The following HIF1A variants were observed in gnomAD, a reference collection of about 807,000 sequenced individuals.
HIF1A encodes hypoxia inducible factor 1 subunit alpha, also known as hypoxia-inducible factor 1-alpha.
A neutral mutation model predicts 92.7 loss-of-function variants in HIF1A; 24 were observed. The ratio of observed to expected loss-of-function variants is 0.26; its 90% CI spans 0.19 to 0.36. HIF1A has a LOEUF of 0.36. Among genes scored for constraint, HIF1A ranks in the 10% least tolerant of loss-of-function variants. The pLI, the probability that HIF1A is intolerant of heterozygous loss-of-function variation, is 1.00. For synonymous variants in HIF1A, 319 were observed against 338.7 expected, an observed-to-expected ratio of 0.94 and a Z score of 0.64; for missense variants, 799 against 998.5, an observed-to-expected ratio of 0.80 and a Z score of 2.69.
chr14:61,738,482 G>A, intron 10 of HIF1A, 109 bp downstream of exon 10: 1 of 1,034,366 alleles, frequency 9.7e-7, no homozygotes, highest in Non-Finnish European at 1.4e-6. Context: ...TTACATTTGT[G>A]TGTGTGTTTG....
rs769273992 is a variant in HIF1A at position 61,745,770 on chromosome 14, G to A, written c.2282G>A (p.Ser761Asn). The A allele has an allele frequency of 6.2e-7, 1 of 1,612,692 alleles. No individual in the cohort carries two copies. Among genetic ancestry groups the A allele is most frequent in the Non-Finnish European group, 8.5e-7 (1 of 1,178,714 alleles). The stretch of plus-strand genomic sequence containing the variant: ...AAACGTGTAAAAGGATGCAAATCTA[G>A]TGAACAGAATGGAATGGAGCAAAAG... Reference protein sequence around the residue: ...SWKRVKGCKSSEQNGMEQKTI... With the variant: ...SWKRVKGCKSNEQNGMEQKTI... The change falls in exon 14 of 15, where the codon AGT becomes AAT. Residue 761 changes from serine (S) to asparagine (N), a missense_variant. Physicochemically the swap from Ser to Asn is conservative, Grantham distance 46. Coordinates refer to ENST00000337138, the MANE Select transcript of HIF1A (RefSeq NM_001530.4).
At chr14:61,740,161 G>A (rs986624801) in intron 10 of HIF1A, 1 of 135,892 alleles carries the variant, frequency 7.4e-6, no homozygotes, top group African/African-American at 2.8e-5. Flanking sequence ...CTGCCTCCCA[G>A]GTTCAAGTGA....
At position 61,745,677 on chromosome 14, in the gene HIF1A, T is replaced by C. The variant is rs760087545; in HGVS notation, c.2203-14T>C. 6.2e-7 allele frequency: 1 copy of C among 1,600,720 alleles called. No individual in the cohort carries two copies. The highest frequency in any genetic ancestry group is 1.1e-5 in the South Asian group (1 of 87,624). On this transcript the variant is annotated splice_polypyrimidine_tract_variant and intron_variant, in intron 13 of 14. Transcript: ENST00000337138. Reference sequence around the variant, plus strand: ...TTCAACAAACTAAACTTGAAATAACTTTACTGTTTATAGGGAACATTATTA... The same window carrying C: ...TTCAACAAACTAAACTTGAAATAACCTTACTGTTTATAGGGAACATTATTA...
chr14:61,728,544 GTT>G (rs2044536021), intron 6 of HIF1A, among the ~76,000 whole-genome samples: 1 of 152,154 alleles, frequency 6.6e-6, no homozygotes, highest in South Asian at 2.1e-4. Flanking sequence ...GCTTATTGTG[GTT>G]TAATACACCA....
intron 1 of HIF1A, among the ~76,000 whole-genome samples, chr14:61,706,906 G>C (rs1254419951): frequency 2.0e-5 from 3 of 152,120 alleles, no homozygotes; most frequent in Admixed American, 1.3e-4. Flanking sequence ...GGGGAAAAAA[G>C]TTCTATTGAT....
Position 61,734,156 on chromosome 14 carries a change from T to C in HIF1A, c.899T>C (p.Val300Ala). 1 of 1,568,226 alleles carries C rather than the reference T, an allele frequency of 6.4e-7. No homozygotes were observed. Reference sequence around the variant, plus strand: ...CCCCTAGTGTTTACTAAAGGACAAGTCACCACAGGACAGTACAGGATGCTT... The same window carrying C: ...CCCCTAGTGTTTACTAAAGGACAAGCCACCACAGGACAGTACAGGATGCTT... ...THHDMFTKGQVTTGQYRMLAK... is the reference protein window; with the variant it reads ...THHDMFTKGQATTGQYRMLAK... The change falls in exon 8 of 15, where the codon GTC (valine) becomes GCC (alanine). Residue 300 changes from valine (V) to alanine (A), a missense_variant. Physicochemically the swap from Val to Ala is moderately conservative, Grantham distance 64. This residue lies in a region of HIF1A where 516 missense variants were observed against 721.0 expected (regional missense o/e 0.72). Transcript: ENST00000337138.
At chr14:61,741,442 G>A (rs1173634332) in intron 12 of HIF1A, among the ~76,000 whole-genome samples, 2 of 148,648 alleles carry the variant, frequency 1.3e-5, no homozygotes, top group East Asian at 2.0e-4. Flanking sequence ...CTCAGCTCAC[G>A]GCAACCTCTG....
intron 6 of HIF1A, among the ~76,000 whole-genome samples, chr14:61,729,458 T>G (rs2044547777): frequency 6.9e-6 from 1 of 144,170 alleles, no homozygotes; most frequent in African/African-American, 2.5e-5. Flanking sequence ...TGAGACTCCA[T>G]CTCAAAAAAC....
chr14:61,713,098 G>C (rs940229462), intron 1 of HIF1A, among the ~76,000 whole-genome samples: 1 of 152,216 alleles, frequency 6.6e-6, no homozygotes, highest in Non-Finnish European at 1.5e-5. Flanking sequence ...GAAATACTAT[G>C]GTGCTTTTGA....
chr14:61,720,727 A>G lies in HIF1A; in HGVS notation c.226+155A>G, dbSNP rs868235675. On this transcript the variant is annotated intron_variant, in intron 2 of 14. Coordinates refer to ENST00000337138, the MANE Select transcript of HIF1A (RefSeq NM_001530.4). ...TAAAAATTTTTCTGTAATTCTCACT[A>G]TTTTTATCAAGCTTCATTTTTTTCT... is the stretch of plus-strand genomic sequence containing the variant. 7.9e-5 allele frequency among the ~76,000 whole-genome samples: 12 copies of G among 152,268 alleles called. 1 individual carries two copies. The highest frequency in any genetic ancestry group is 3.4e-3 in the Middle Eastern group (1 of 294).
chr14:61,738,482 G>T (rs1311750174), intron 10 of HIF1A, 109 bp downstream of exon 10: 3 of 1,034,248 alleles, frequency 2.9e-6, no homozygotes, highest in East Asian at 2.4e-5. Flanking sequence ...TTACATTTGT[G>T]TGTGTGTTTG....
At chr14:61,708,944 C>A (rs2044276554) in intron 1 of HIF1A, among the ~76,000 whole-genome samples, 1 of 151,652 alleles carries the variant, frequency 6.6e-6, no homozygotes, top group Admixed American at 6.6e-5. Context: ...GTTGCCCAGG[C>A]TGGAGTGCAA....
chr14:61,698,015 G>T, intron 1 of HIF1A: 1 of 917,294 alleles, frequency 1.1e-6, no homozygotes, highest in South Asian at 2.2e-5. Context: ...AGTTATAGGG[G>T]CTGAACTTAT....
chr14:61,746,894 C>G (rs1395216587), intron 14 of HIF1A, 40 bp from the exon 15 acceptor site: 2 of 1,451,458 alleles, frequency 1.4e-6, no homozygotes, highest in South Asian at 2.5e-5. Flanking sequence ...TATTCATTGA[C>G]TAGATGAATG....
intron 1 of HIF1A, chr14:61,697,773 A>G: frequency 6.9e-7 from 1 of 1,439,196 alleles, no homozygotes; most frequent in Non-Finnish European, 9.0e-7. Context: ...TTTTCTAACT[A>G]ATTTACAGTT....
chr14:61,703,979 TTTCTC>T (rs530767496), intron 1 of HIF1A, among the ~76,000 whole-genome samples: 351 of 152,316 alleles, frequency 2.3e-3, no homozygotes, highest in African/African-American at 7.9e-3. Context: ...AGATGATCCT[TTTCTC>T]TACTAAATAT....
intron 1 of HIF1A, chr14:61,697,746 G>A (rs1396841861): frequency 2.1e-6 from 3 of 1,402,432 alleles, no homozygotes; most frequent in Non-Finnish European, 1.8e-6. Flanking sequence ...TTTAGATGCT[G>A]TTTATAATAG....
intron 12 of HIF1A, among the ~76,000 whole-genome samples, 192 bp from the exon 13 acceptor site, chr14:61,744,513 A>AC (rs1482932923): frequency 1.8e-5 from 1 of 54,536 alleles, no homozygotes; most frequent in African/African-American, 4.3e-5. Context: ...ACCGTGTTTC[A>AC]CCAAAAAAAA....
chr14:61,727,324 A>C (rs1196918348), intron 5 of HIF1A, 129 bp from the exon 6 acceptor site: 6 of 668,564 alleles, frequency 9.0e-6, no homozygotes, highest in Non-Finnish European at 1.6e-5. Context: ...CAAAAACGTG[A>C]TTAATCCACT....
Sources: allele counts gnomAD v4.1 joint callset (sites outside exome capture counted in the v4.1 genomes callset), GRCh38; gene constraint gnomAD v4.1.1; regional missense constraint gnomAD v4.1.1; transcripts MANE v1.5; gene names NCBI Gene and HGNC (gene_info 2026-07-23, HGNC 2026-07-21).